The following PDE10A variants were observed in gnomAD, a reference collection of about 807,000 sequenced individuals.
The protein encoded by PDE10A is cAMP and cAMP-inhibited cGMP 3',5'-cyclic phosphodiesterase 10A.
PDE10A carries 39 observed loss-of-function variants against 97.7 expected under a neutral mutation model. The observed-to-expected ratio is 0.40, with a 90% confidence interval of 0.31 to 0.52. The LOEUF (loss-of-function observed/expected upper bound fraction) is 0.52, where lower values mean the gene tolerates loss of function less well. Among genes scored for constraint, PDE10A ranks in the 20% least tolerant of loss-of-function variants. The pLI, the probability that PDE10A is intolerant of heterozygous loss-of-function variation, is 0.56. For missense variants in PDE10A, 731 were observed against 1,047.8 expected, an observed-to-expected ratio of 0.70 and a Z score of 4.17; for synonymous variants, 371 against 376.8, an observed-to-expected ratio of 0.98 and a Z score of 0.18.
At chr6:165,432,676 GA>G (rs1165071629) in intron 7 of PDE10A, among the ~76,000 whole-genome samples, 1 of 152,108 alleles carries the variant, frequency 6.6e-6, no homozygotes, top group African/African-American at 2.4e-5. Flanking sequence ...ACCAGAGTGT[GA>G]AAAGTCTCCA....
intron 1 of PDE10A, among the ~76,000 whole-genome samples, chr6:165,825,631 C>T (rs1231127122): frequency 6.6e-6 from 1 of 152,200 alleles, no homozygotes; most frequent in Admixed American, 6.5e-5. Context: ...AAAAGTTGGA[C>T]GGAGGCCCTG....
At position 165,800,208 on chromosome 6, in the gene PDE10A, G is replaced by T. The variant is rs1023222595; in HGVS notation, c.-615+187321C>A. On this transcript the variant is annotated intron_variant, in intron 1 of 19. Coordinates refer to the PDE10A transcript ENST00000366882. ...AAGCAAGGAGGTGTCATTCTGCTGAGCCCTGAACAACAGCAGGAAAAAAGA... is the reference window on the plus strand; with the variant it reads ...AAGCAAGGAGGTGTCATTCTGCTGATCCCTGAACAACAGCAGGAAAAAAGA... 3.9e-5 allele frequency among the ~76,000 whole-genome samples: 6 copies of T among 152,274 alleles called. 1 individual carries two copies. The highest frequency in any genetic ancestry group is 3.9e-4 in the Admixed American group (6 of 15,298).
At chr6:165,643,731 A>G (rs1431745423) in intron 1 of PDE10A, among the ~76,000 whole-genome samples, 6 of 152,248 alleles carry the variant, frequency 3.9e-5, no homozygotes. Flanking sequence ...GTCAAAGCAT[A>G]CAGTTTCCAT....
intron 20 of PDE10A, among the ~76,000 whole-genome samples, chr6:165,336,518 G>A (rs1781658215): frequency 6.6e-6 from 1 of 152,122 alleles, no homozygotes; most frequent in South Asian, 2.1e-4. Context: ...GGGAGGCCGA[G>A]GCGGGTGGAT....
intron 18 of PDE10A, among the ~76,000 whole-genome samples, chr6:165,354,003 C>T (rs1399882094): frequency 1.3e-5 from 2 of 152,086 alleles, no homozygotes; most frequent in African/African-American, 2.4e-5. Flanking sequence ...GTACTTTCTA[C>T]CCAATCTTTC....
intron 2 of PDE10A, among the ~76,000 whole-genome samples, chr6:165,522,153 A>G (rs977007324): frequency 4.6e-5 from 7 of 152,186 alleles, no homozygotes; most frequent in Non-Finnish European, 1.0e-4. Context: ...AGTAATAACA[A>G]AAAGCCTACC....
At chr6:165,389,970 T>C (rs1785569858) in intron 16 of PDE10A, among the ~76,000 whole-genome samples, 1 of 152,200 alleles carries the variant, frequency 6.6e-6, no homozygotes, top group Non-Finnish European at 1.5e-5. Context: ...TGAAGGGATT[T>C]TGAGTGGAAT....
intron 1 of PDE10A, among the ~76,000 whole-genome samples, chr6:165,619,685 TAGTGTAGTGTAGTCC>T (rs1357029899): frequency 4.8e-5 from 7 of 144,814 alleles, no homozygotes; most frequent in African/African-American, 1.3e-4. Flanking sequence ...TAGTCTAGTG[TAGTGTAGTGTAGTCC>T]AGTGTAGTGT....
chr6:165,964,072 C>G (rs1784436734), intron 1 of PDE10A, among the ~76,000 whole-genome samples: 1 of 152,242 alleles, frequency 6.6e-6, no homozygotes, highest in South Asian at 2.1e-4. Flanking sequence ...TCTCAGCTCT[C>G]TCATTATTTT....
At chr6:165,479,059 C>T (rs1362689978) in intron 3 of PDE10A, among the ~76,000 whole-genome samples, 1 of 152,144 alleles carries the variant, frequency 6.6e-6, no homozygotes, top group Non-Finnish European at 1.5e-5. Context: ...ACCTCAGAAC[C>T]TCCTGAGGTT....
chr6:165,366,602 T>TC (rs1783784472), intron 18 of PDE10A, among the ~76,000 whole-genome samples: 1 of 152,128 alleles, frequency 6.6e-6, no homozygotes, highest in Admixed American at 6.5e-5. Context: ...ACAGCTCTTC[T>TC]CCTAAGGGCA....
chr6:165,343,563 G>T, intron 18 of PDE10A, 61 bp from the exon 19 acceptor site: 1 of 1,157,678 alleles, frequency 8.6e-7, no homozygotes, highest in Non-Finnish European at 1.3e-6. Flanking sequence ...GTAAGGACTA[G>T]AAAGACTTCT....
At chr6:165,336,003 C>A (rs190126848) in intron 21 of PDE10A, 120 bp downstream of exon 21, 39 of 824,346 alleles carry the variant, frequency 4.7e-5, no homozygotes, top group Admixed American at 4.2e-4. Flanking sequence ...TCCCTGAGCA[C>A]AACAACTCGA....
At chr6:165,955,873 A>G (rs1424597459) in intron 1 of PDE10A, among the ~76,000 whole-genome samples, 2 of 152,212 alleles carry the variant, frequency 1.3e-5, no homozygotes, top group Non-Finnish European at 2.9e-5. Flanking sequence ...ATAACATAAA[A>G]CATAAAAATA....
chr6:165,958,513 GA>G (rs1367132875), intron 1 of PDE10A, among the ~76,000 whole-genome samples: 3 of 9,120 alleles, frequency 3.3e-4, no homozygotes, highest in East Asian at 0.016. Context: ...AAGAAAGAAA[GA>G]AAGAAAGAAA....
chr6:165,859,856 G>A (rs1006402179), intron 1 of PDE10A, among the ~76,000 whole-genome samples: 2 of 152,062 alleles, frequency 1.3e-5, no homozygotes, highest in African/African-American at 4.8e-5. Flanking sequence ...ATACTACTCA[G>A]CCATAAAAAG....
intron 1 of PDE10A, among the ~76,000 whole-genome samples, chr6:165,856,418 G>A (rs1188772244): frequency 6.6e-6 from 1 of 152,158 alleles, no homozygotes; most frequent in Non-Finnish European, 1.5e-5. Flanking sequence ...CTGGGTCCTG[G>A]TTCTCTTTCC....
chr6:165,839,490 A>G (rs1780155034), intron 1 of PDE10A, among the ~76,000 whole-genome samples: 1 of 152,188 alleles, frequency 6.6e-6, no homozygotes, highest in Admixed American at 6.5e-5. Context: ...ACCACACAAC[A>G]TATTTACAAC....
At chr6:165,957,959 G>C (rs183644238) in intron 1 of PDE10A, among the ~76,000 whole-genome samples, 1 of 152,160 alleles carries the variant, frequency 6.6e-6, no homozygotes, top group African/African-American at 2.4e-5. Flanking sequence ...GAGAGCAAGC[G>C]GTGGTTCCCC....
Sources: allele counts gnomAD v4.1 joint callset (sites outside exome capture counted in the v4.1 genomes callset), GRCh38; gene constraint gnomAD v4.1.1; transcripts MANE v1.5; gene names NCBI Gene and HGNC (gene_info 2026-07-23, HGNC 2026-07-21).